Variants in GABRB2 observed in about 807,000 individuals in gnomAD.
GABRB2 encodes the protein gamma-aminobutyric acid receptor subunit beta-2.
GABRB2 carries 16 observed loss-of-function variants against 54.7 expected under a neutral mutation model. That is an observed-to-expected ratio of 0.29 (90% CI 0.20 to 0.44). The LOEUF (loss-of-function observed/expected upper bound fraction) is 0.44. GABRB2 is among the 20% of genes least tolerant of loss of function. The pLI, the probability that GABRB2 is intolerant of heterozygous loss-of-function variation, is 1.00. For synonymous variants in GABRB2, 244 were observed against 233.8 expected (o/e 1.04, Z -0.40); for missense variants, 355 against 644.0 (o/e 0.55, Z 4.86).
In GABRB2 at chr5:161,294,000, T is replaced by A; in HGVS notation, c.*81A>T. 1 of 1,060,354 alleles carries A rather than the reference T, an allele frequency of 9.4e-7. No individual in the cohort carries two copies. Among genetic ancestry groups the A allele is most frequent in the East Asian group, 2.5e-5 (1 of 40,454 alleles). The allele number at this position is 1,060,354 out of a possible 1,614,324, so 65.7% of individuals were successfully genotyped here. On this transcript the variant is annotated 3_prime_UTR_variant, in exon 10 of 10. Coordinates refer to ENST00000393959, the MANE Select transcript of GABRB2 (RefSeq NM_001371727.1). ...TAGCGTCACTTTTGTCCTGGATTGA[T>A]GTGTTTTCCAAGTCCTACATCAGGC...
chr5:161,310,486 T>TTC (rs199982232), intron 9 of GABRB2, among the ~76,000 whole-genome samples: 3 of 152,114 alleles, frequency 2.0e-5, no homozygotes, highest in South Asian at 2.1e-4. Flanking sequence ...GCTTGCTTGT[T>TTC]TCTCTCTCTC....
chr5:161,312,561 C>T (rs1425996900), intron 9 of GABRB2, among the ~76,000 whole-genome samples: 1 of 152,142 alleles, frequency 6.6e-6, no homozygotes, highest in African/African-American at 2.4e-5. Flanking sequence ...GGATTCAAAT[C>T]CCAGGTTTGC....
At chr5:161,452,867 A>G (rs1227255849) in intron 4 of GABRB2, among the ~76,000 whole-genome samples, 1 of 152,110 alleles carries the variant, frequency 6.6e-6, no homozygotes, top group Non-Finnish European at 1.5e-5. Context: ...GTGATGGCAC[A>G]TGCCTGTAGG....
intron 4 of GABRB2, among the ~76,000 whole-genome samples, chr5:161,446,501 A>G (rs1203044615): frequency 6.6e-6 from 1 of 152,098 alleles, no homozygotes; most frequent in Non-Finnish European, 1.5e-5. Flanking sequence ...AACTGCATGC[A>G]TGGGGTCATT....
At chr5:161,424,673 T>C (rs989511808) in intron 4 of GABRB2, among the ~76,000 whole-genome samples, 1 of 152,118 alleles carries the variant, frequency 6.6e-6, no homozygotes, top group African/African-American at 2.4e-5. Context: ...TTAATATTTT[T>C]AGGCCTGCTA....
intron 5 of GABRB2, among the ~76,000 whole-genome samples, chr5:161,349,446 G>T (rs933489477): frequency 6.6e-6 from 1 of 152,104 alleles, no homozygotes; most frequent in South Asian, 2.1e-4. Flanking sequence ...GTGGTGATTT[G>T]AAATATATGT....
At chr5:161,407,035 C>T (rs1756367897) in intron 5 of GABRB2, among the ~76,000 whole-genome samples, 1 of 151,998 alleles carries the variant, frequency 6.6e-6, no homozygotes, top group Non-Finnish European at 1.5e-5. Context: ...GACCAAAACA[C>T]GTAATGAATG....
At chr5:161,296,520 G>A (rs1036153057) in intron 9 of GABRB2, among the ~76,000 whole-genome samples, 2 of 152,134 alleles carry the variant, frequency 1.3e-5, no homozygotes, top group African/African-American at 2.4e-5. Context: ...TTCCTATTAA[G>A]GGAAATTTGC....
intron 4 of GABRB2, among the ~76,000 whole-genome samples, chr5:161,412,309 G>T (rs1185275861): frequency 1.3e-5 from 2 of 152,214 alleles, no homozygotes; most frequent in South Asian, 2.1e-4. Flanking sequence ...TAAGGTTTGT[G>T]CTCTGTTAAT....
At chr5:161,362,435 G>A (rs1754841994) in intron 5 of GABRB2, among the ~76,000 whole-genome samples, 1 of 151,748 alleles carries the variant, frequency 6.6e-6, no homozygotes, top group Non-Finnish European at 1.5e-5. Flanking sequence ...CCATTTTTTT[G>A]TTCCTCTCTT....
chr5:161,359,199 A>C (rs1754729447), intron 5 of GABRB2, among the ~76,000 whole-genome samples: 1 of 152,176 alleles, frequency 6.6e-6, no homozygotes, highest in Non-Finnish European at 1.5e-5. Flanking sequence ...TTAATATTTC[A>C]TGGGTAAAAT....
At chr5:161,389,220 A>G (rs1233593930) in intron 5 of GABRB2, among the ~76,000 whole-genome samples, 2 of 152,074 alleles carry the variant, frequency 1.3e-5, no homozygotes, top group African/African-American at 4.8e-5. Context: ...GGCTTAAACC[A>G]TTAGAAGCTA....
chr5:161,328,327 A>G (rs1405553794), intron 8 of GABRB2, among the ~76,000 whole-genome samples: 1 of 152,136 alleles, frequency 6.6e-6, no homozygotes, highest in Non-Finnish European at 1.5e-5. Context: ...AATAATGCCT[A>G]CCACTTATTA....
chr5:161,370,641 G>A (rs556442282), intron 5 of GABRB2, among the ~76,000 whole-genome samples: 5 of 152,190 alleles, frequency 3.3e-5, no homozygotes, highest in Non-Finnish European at 7.3e-5. Context: ...GGTACTCAGT[G>A]TCTTCCAGCA....
At chr5:161,295,538 G>GA (rs1757359346) in intron 9 of GABRB2, among the ~76,000 whole-genome samples, 1 of 152,024 alleles carries the variant, frequency 6.6e-6, no homozygotes, top group Non-Finnish European at 1.5e-5. Flanking sequence ...GAAAAAAGAT[G>GA]GCCAGTGATA....
chr5:161,330,640 AT>A, intron 8 of GABRB2: 1 of 497,896 alleles, frequency 2.0e-6, no homozygotes, highest in Non-Finnish European at 3.6e-6. Context: ...GTGAGAAAGC[AT>A]CATAAAGGTC....
intron 9 of GABRB2, among the ~76,000 whole-genome samples, chr5:161,308,255 T>C (rs1338885560): frequency 6.6e-6 from 1 of 152,178 alleles, no homozygotes; most frequent in East Asian, 1.9e-4. Context: ...ACTGACCCCC[T>C]GTTTAGGTGT....
rs1190318822 is a variant in GABRB2 at position 161,341,948 on chromosome 5, TATATATATATATATATATATAC to T, written c.542-5201_542-5180del. Among the ~76,000 whole-genome samples the T allele has an allele frequency of 5.3e-4, 36 of 67,306 alleles. 1 individual carries two copies. The highest frequency in any genetic ancestry group is 1.4e-3 in the African/African-American group (35 of 25,446). The allele number at this position is 67,306 out of a possible 152,430, so 44.2% of individuals were successfully genotyped here. A position where few individuals can be genotyped will look rare whatever the true frequency, so the allele number is the denominator to read the frequency against. On this transcript the variant is annotated intron_variant, in intron 5 of 9. Coordinates refer to ENST00000393959, the MANE Select transcript of GABRB2 (RefSeq NM_001371727.1). Reference sequence around the variant, plus strand: ...ATTTATTTTTTCTTTTATATATATATATATATATATATATATATATACATACTTTATTATTATTTTTTCTAGT... The same window carrying T: ...ATTTATTTTTTCTTTTATATATATATATACTTTATTATTATTTTTTCTAGT...
intron 5 of GABRB2, among the ~76,000 whole-genome samples, chr5:161,388,601 G>T (rs1055558257): frequency 9.2e-5 from 14 of 151,796 alleles, no homozygotes; most frequent in Non-Finnish European, 1.8e-4. Context: ...AATAATTTAA[G>T]AATTAATCAT....
Sources: gnomAD v4.1 joint callset for allele counts (sites outside exome capture counted in the v4.1 genomes callset) on GRCh38, gnomAD v4.1.1 for gene constraint, MANE v1.5 for transcripts, NCBI Gene and HGNC (gene_info 2026-07-23, HGNC 2026-07-21) for gene names.